The following KCNIP4 variants were observed in gnomAD, a reference collection of about 807,000 sequenced individuals.
The protein encoded by KCNIP4 is potassium voltage-gated channel interacting protein 4.
Under a neutral mutation model 34.0 loss-of-function variants are expected in KCNIP4, and 12 were observed. The ratio of observed to expected loss-of-function variants is 0.35; its 90% CI spans 0.23 to 0.57. KCNIP4 has a LOEUF of 0.57. Ranked by LOEUF, KCNIP4 falls within the 20% of genes least tolerant of loss-of-function variation. KCNIP4 has a pLI of 0.83. For missense variants in KCNIP4, 238 were observed against 311.7 expected (o/e 0.76, Z 1.78); for synonymous variants, 124 against 102.2 (o/e 1.21, Z -1.29).
At chr4:21,126,236 G>T (rs1308077217) in intron 1 of KCNIP4, among the ~76,000 whole-genome samples, 1 of 152,128 alleles carries the variant, frequency 6.6e-6, no homozygotes. Context: ...GAAGTCCAGG[G>T]CTGAAATCAG....
intron 1 of KCNIP4, among the ~76,000 whole-genome samples, chr4:21,293,352 T>A (rs1318720803): frequency 6.6e-6 from 1 of 152,188 alleles, no homozygotes; most frequent in East Asian, 1.9e-4. Flanking sequence ...TGGATTTTTT[T>A]AAATGGTAAA....
intron 1 of KCNIP4, among the ~76,000 whole-genome samples, chr4:21,245,513 A>G (rs558552931): frequency 1.3e-5 from 2 of 152,300 alleles, no homozygotes; most frequent in South Asian, 4.1e-4. Context: ...TGACTGTCAT[A>G]TAATAGGTGC....
At chr4:21,808,435 T>G (rs1364688187) in intron 1 of KCNIP4, among the ~76,000 whole-genome samples, 4 of 152,162 alleles carry the variant, frequency 2.6e-5, no homozygotes, top group Non-Finnish European at 5.9e-5. Flanking sequence ...ATATATTATT[T>G]TATGATCATC....
chr4:20,826,588 CAAAACA>C (rs1462345101), intron 3 of KCNIP4, among the ~76,000 whole-genome samples: 1 of 140,822 alleles, frequency 7.1e-6, no homozygotes, highest in Non-Finnish European at 1.5e-5. Flanking sequence ...GACCTTGTCT[CAAAACA>C]AACAAACAAA....
In KCNIP4 at chr4:20,958,392, A is replaced by G. The variant is rs143768306; in HGVS notation, c.62-75683T>C. Among the ~76,000 whole-genome samples, 554 of 152,340 alleles carry G rather than the reference A, an allele frequency of 3.6e-3. 4 individuals carry two copies. The highest frequency in any genetic ancestry group is 0.01 in the Middle Eastern group (3 of 294). On this transcript the variant is annotated intron_variant, in intron 1 of 8. Transcript: ENST00000382152. ...AGACTTCGACCAAAGTCAAAGGGCA[A>G]TAGAAACCCTTTGCATTCTTTCTAA...
rs71182707 is a variant in KCNIP4, at chr4:21,082,865, T to TTCTATCTATCTATCTA, written c.62-200172_62-200157dup. ...ATGTGCAACATTCTGTGCCAGGTTA[T>TTCTATCTATCTATCTA]TCTATCTATCTATCTATCTATCTAT... is the stretch of plus-strand genomic sequence containing the variant. On this transcript the variant is annotated intron_variant, in intron 1 of 8. Transcript: ENST00000382152. Among the ~76,000 whole-genome samples, 563 of 147,680 alleles carry TTCTATCTATCTATCTA rather than the reference T, an allele frequency of 3.8e-3. 4 individuals carry two copies. Among genetic ancestry groups the TTCTATCTATCTATCTA allele is most frequent in the East Asian group, 6.9e-3 (34 of 4,920 alleles).
intron 2 of KCNIP4, among the ~76,000 whole-genome samples, chr4:20,855,498 C>T (rs183882604): frequency 3.3e-5 from 5 of 152,180 alleles, no homozygotes; most frequent in Admixed American, 1.3e-4. Context: ...TTGCCAAAGT[C>T]GAGCCATTTT....
intron 1 of KCNIP4, among the ~76,000 whole-genome samples, chr4:20,915,412 A>C (rs2149576615): frequency 6.6e-6 from 1 of 152,184 alleles, no homozygotes; most frequent in Non-Finnish European, 1.5e-5. Context: ...ACATATACTC[A>C]GACTCAGCAA....
At chr4:21,487,974 G>T (rs4521333) in intron 1 of KCNIP4, among the ~76,000 whole-genome samples, 36,135 of 151,842 alleles carry the variant, frequency 0.24, 4,437 homozygotes, top group South Asian at 0.3. Context: ...AAGGAGTCCT[G>T]GTTCCTTTTA....
At chr4:21,460,808 A>G (rs988078874) in intron 1 of KCNIP4, among the ~76,000 whole-genome samples, 1 of 152,058 alleles carries the variant, frequency 6.6e-6, no homozygotes, top group African/African-American at 2.4e-5. Flanking sequence ...CTGGGCAGAT[A>G]AAATTCCCAA....
chr4:21,071,100 G>T (rs1744873058), intron 1 of KCNIP4, among the ~76,000 whole-genome samples: 1 of 152,074 alleles, frequency 6.6e-6, no homozygotes, highest in Admixed American at 6.6e-5. Flanking sequence ...AAGAGCAAAG[G>T]TTGTTTAATT....
intron 1 of KCNIP4, among the ~76,000 whole-genome samples, chr4:21,824,857 A>G (rs966037665): frequency 1.3e-5 from 2 of 152,128 alleles, no homozygotes; most frequent in African/African-American, 4.8e-5. Context: ...ACAGCAAGAT[A>G]TGTGAGAGCG....
chr4:21,908,892 C>T (rs900018176), intron 1 of KCNIP4, among the ~76,000 whole-genome samples: 3 of 152,130 alleles, frequency 2.0e-5, no homozygotes, highest in Non-Finnish European at 4.4e-5. Flanking sequence ...CTGGATCAAG[C>T]ATCAAAGTCA....
At chr4:20,965,728 T>TTG in intron 1 of KCNIP4, among the ~76,000 whole-genome samples, 1 of 152,192 alleles carries the variant, frequency 6.6e-6, no homozygotes. Flanking sequence ...ACTCTGAACT[T>TTG]TACAAAGATT....
chr4:21,272,391 G>T (rs770755460), intron 1 of KCNIP4, among the ~76,000 whole-genome samples: 1 of 152,094 alleles, frequency 6.6e-6, no homozygotes, highest in Non-Finnish European at 1.5e-5. Context: ...CTTACTGTGA[G>T]TCATATATTT....
chr4:21,937,566 C>T (rs539043902), intron 1 of KCNIP4, among the ~76,000 whole-genome samples: 6 of 152,204 alleles, frequency 3.9e-5, no homozygotes, highest in African/African-American at 1.4e-4. Flanking sequence ...TGTTCCAACC[C>T]ATATGGCCCA....
chr4:21,732,484 A>C (rs1715681290), intron 1 of KCNIP4, among the ~76,000 whole-genome samples: 2 of 152,146 alleles, frequency 1.3e-5, no homozygotes, highest in Admixed American at 6.6e-5. Context: ...TTTTTATTAA[A>C]TTTCCACAAT....
chr4:21,136,817 A>G (rs1347018097), intron 1 of KCNIP4, among the ~76,000 whole-genome samples: 1 of 152,136 alleles, frequency 6.6e-6, no homozygotes, highest in Non-Finnish European at 1.5e-5. Context: ...AGTCAGGACA[A>G]ACTATTAATT....
chr4:21,673,320 A>G (rs1749647532), intron 1 of KCNIP4, among the ~76,000 whole-genome samples: 1 of 152,198 alleles, frequency 6.6e-6, no homozygotes, highest in South Asian at 2.1e-4. Context: ...TTTCCATTAC[A>G]TTCTTTATAT....
Sources: allele counts gnomAD v4.1 joint callset (sites outside exome capture counted in the v4.1 genomes callset), GRCh38; gene constraint gnomAD v4.1.1; transcripts MANE v1.5; gene names NCBI Gene and HGNC (gene_info 2026-07-23, HGNC 2026-07-21).